Variants in ATP8A1 observed in about 807,000 individuals in gnomAD.
ATP8A1 encodes ATPase phospholipid transporting 8A1, also known as phospholipid-transporting ATPase IA.
In ATP8A1, 90 loss-of-function variants were observed where a neutral mutation model predicts 177.7. That is an observed-to-expected ratio of 0.51 (90% CI 0.43 to 0.60). The LOEUF (loss-of-function observed/expected upper bound fraction) is 0.60. ATP8A1 is among the 20% of genes least tolerant of loss of function. The pLI is 0.00. For synonymous variants in ATP8A1, 493 were observed against 485.9 expected, an observed-to-expected ratio of 1.01 and a Z score of -0.19; for missense variants, 1,072 against 1,392.8, an observed-to-expected ratio of 0.77 and a Z score of 3.67.
Position 42,588,255 on chromosome 4 carries a change from C to A in ATP8A1, c.594+5G>T, listed in dbSNP as rs1266359909. 6.2e-7 allele frequency: 1 copy of A among 1,604,910 alleles called. No individual in the cohort carries two copies. The highest frequency in any genetic ancestry group is 2.2e-5 in the East Asian group (1 of 44,790). On this transcript the variant is annotated splice_donor_5th_base_variant and intron_variant, in intron 8 of 36. Coordinates refer to ENST00000381668, the MANE Select transcript of ATP8A1 (RefSeq NM_006095.2). The stretch of plus-strand genomic sequence containing the variant: ...GATTATACATATACTTGTATCAGAT[C>A]TTACCTGTCTAATTTTCAAGTTTGT...
chr4:42,444,592 A>G lies in ATP8A1; in HGVS notation c.3001T>C (p.Ser1001Pro). The change falls in exon 32 of 37, where the codon TCA becomes CCA. Residue 1001 changes from serine to proline, a missense_variant. By Grantham distance (74) the Ser-to-Pro change is moderately conservative. Coordinates refer to ENST00000381668, the MANE Select transcript of ATP8A1 (RefSeq NM_006095.2). The stretch of plus-strand genomic sequence containing the variant: ...TATTTTCTTACCCATGTCCAATATG[A>G]TGTCTCCAATCCAGCTTTCAAACAC... ...TVCLKAGLET[S>P]YWTWFSHIAI... 1 of 1,613,910 alleles carries G rather than the reference A, an allele frequency of 6.2e-7. No homozygotes were observed. The highest frequency in any genetic ancestry group is 8.5e-7 in the Non-Finnish European group (1 of 1,179,850).
At chr4:42,608,327 A>G (rs1019782568) in intron 5 of ATP8A1, among the ~76,000 whole-genome samples, 1 of 151,068 alleles carries the variant, frequency 6.6e-6, no homozygotes, top group Non-Finnish European at 1.5e-5. Flanking sequence ...CACTGCTGAA[A>G]GTGTCACCGG....
At position 42,597,776 on chromosome 4, in the gene ATP8A1, T is replaced by C. The variant is rs1734854275; in HGVS notation, c.450+2702A>G. Reference sequence around the variant, plus strand: ...AGAATCCCGTTTTCACAGTTCTCAATATAAATAGCCAAACTGCTCGTTCAC... The same window carrying C: ...AGAATCCCGTTTTCACAGTTCTCAACATAAATAGCCAAACTGCTCGTTCAC... On this transcript the variant is annotated intron_variant, in intron 6 of 36. Coordinates refer to ENST00000381668, the MANE Select transcript of ATP8A1 (RefSeq NM_006095.2). Among the ~76,000 whole-genome samples the C allele has an allele frequency of 2.0e-5, 3 of 152,190 alleles. No individual in the cohort carries two copies. In the South Asian group the frequency reaches 6.2e-4, roughly 32 times the overall value.
At chr4:42,579,736 T>C (rs776977355) in intron 11 of ATP8A1, 77 bp downstream of exon 11, 19 of 1,290,450 alleles carry the variant, frequency 1.5e-5, no homozygotes, top group Non-Finnish European at 2.1e-5. Context: ...CAATACGAAA[T>C]AAAGTAAATC....
chr4:42,443,704 T>C (rs752040758), intron 32 of ATP8A1, 32 bp from the exon 33 acceptor site: 10 of 946,916 alleles, frequency 1.1e-5, no homozygotes, highest in Non-Finnish European at 1.7e-5. Context: ...GTCAAAAAAG[T>C]TTTATGTAGA....
intron 24 of ATP8A1, among the ~76,000 whole-genome samples, chr4:42,498,677 T>C (rs1212698672): frequency 1.3e-5 from 2 of 151,950 alleles, no homozygotes; most frequent in African/African-American, 4.8e-5. Context: ...AGAACTCTCC[T>C]CTAGAAATAA....
chr4:42,585,207 C>T (rs1478795114), intron 9 of ATP8A1, among the ~76,000 whole-genome samples: 1 of 152,072 alleles, frequency 6.6e-6, no homozygotes. Flanking sequence ...TGTGACCACC[C>T]TAACAAAAAG....
At chr4:42,616,876 G>A (rs556968570) in intron 4 of ATP8A1, among the ~76,000 whole-genome samples, 1 of 152,128 alleles carries the variant, frequency 6.6e-6, no homozygotes, top group Admixed American at 6.6e-5. Context: ...TTTTCTCTCC[G>A]GTTCACCTAG....
chr4:42,636,314 T>C (rs1034094729), intron 1 of ATP8A1, among the ~76,000 whole-genome samples: 1 of 152,076 alleles, frequency 6.6e-6, no homozygotes, highest in African/African-American at 2.4e-5. Flanking sequence ...CAAAAGAGGC[T>C]TGAAATCCCA....
chr4:42,545,838 G>C (rs956356698), intron 19 of ATP8A1, among the ~76,000 whole-genome samples: 1 of 152,114 alleles, frequency 6.6e-6, no homozygotes, highest in Admixed American at 6.5e-5. Flanking sequence ...GCCAGGCATG[G>C]TGATGTGCAC....
At chr4:42,424,009 T>C (rs570503915) in intron 33 of ATP8A1, among the ~76,000 whole-genome samples, 5 of 152,256 alleles carry the variant, frequency 3.3e-5, no homozygotes, top group Admixed American at 3.3e-4. Flanking sequence ...ATATTAAAAA[T>C]TATCCAGATA....
At chr4:42,522,396 A>C in intron 21 of ATP8A1, 97 bp from the exon 22 acceptor site, 1 of 1,411,268 alleles carries the variant, frequency 7.1e-7, no homozygotes, top group South Asian at 1.3e-5. Context: ...TTTTGAAAAA[A>C]GTGATTCCAT....
At chr4:42,579,318 G>T (rs1483434182) in intron 11 of ATP8A1, among the ~76,000 whole-genome samples, 1 of 147,212 alleles carries the variant, frequency 6.8e-6, no homozygotes, top group Non-Finnish European at 1.5e-5. Flanking sequence ...ACCACTTTTT[G>T]GTACTTTTAT....
intron 5 of ATP8A1, among the ~76,000 whole-genome samples, chr4:42,606,780 T>C (rs1044527040): frequency 1.3e-4 from 20 of 152,208 alleles, no homozygotes; most frequent in Non-Finnish European, 2.5e-4. Context: ...ATTCACATGA[T>C]TGTACCCTGT....
At chr4:42,440,831 C>T (rs1716546177) in intron 33 of ATP8A1, among the ~76,000 whole-genome samples, 1 of 152,188 alleles carries the variant, frequency 6.6e-6, no homozygotes, top group Non-Finnish European at 1.5e-5. Flanking sequence ...CAGAACAGGG[C>T]TGCTATTCTC....
At chr4:42,510,599 G>A (rs1201065473) in intron 22 of ATP8A1, among the ~76,000 whole-genome samples, 2 of 151,418 alleles carry the variant, frequency 1.3e-5, no homozygotes, top group Non-Finnish European at 2.9e-5. Flanking sequence ...ATATTTTTTT[G>A]CAATATGTTT....
intron 9 of ATP8A1, among the ~76,000 whole-genome samples, chr4:42,582,459 C>T (rs1232639830): frequency 6.6e-6 from 1 of 151,708 alleles, no homozygotes. Flanking sequence ...GTCTACTCAC[C>T]TCAGCCTCAA....
chr4:42,429,206 G>C (rs1714977191), intron 33 of ATP8A1, among the ~76,000 whole-genome samples: 1 of 152,160 alleles, frequency 6.6e-6, no homozygotes, highest in Admixed American at 6.5e-5. Flanking sequence ...ATTTTGGGGA[G>C]AGGAGTTGAT....
At chr4:42,605,401 T>G (rs1453480352) in intron 5 of ATP8A1, among the ~76,000 whole-genome samples, 1 of 151,244 alleles carries the variant, frequency 6.6e-6, no homozygotes, top group African/African-American at 2.4e-5. Context: ...CTCAACATGC[T>G]GTGACTTTAC....
Sources: gnomAD v4.1 joint callset for allele counts (sites outside exome capture counted in the v4.1 genomes callset) on GRCh38, gnomAD v4.1.1 for gene constraint, MANE v1.5 for transcripts, NCBI Gene and HGNC (gene_info 2026-07-23, HGNC 2026-07-21) for gene names.